SRGAP3: variants seen among roughly 807,000 people sequenced by gnomAD.
The protein encoded by SRGAP3 is SLIT-ROBO Rho GTPase activating protein 3.
SRGAP3 carries 39 observed loss-of-function variants against 121.1 expected under a neutral mutation model. That is an observed-to-expected ratio of 0.32 (90% CI 0.25 to 0.42). The LOEUF is 0.42. SRGAP3 is among the 10% of genes least tolerant of loss of function. SRGAP3 has a pLI of 1.00. For synonymous variants in SRGAP3, 601 were observed against 570.0 expected (o/e 1.05, Z -0.77); for missense variants, 1,213 against 1,470.6 (o/e 0.82, Z 2.86).
chr3:9,060,168 C>T (rs746722235), intron 6 of SRGAP3, 63 bp downstream of exon 6: 1 of 1,612,128 alleles, frequency 6.2e-7, no homozygotes, highest in East Asian at 2.2e-5. Flanking sequence ...CCTCCTTCAG[C>T]CAGTGACATG....
intron 1 of SRGAP3, among the ~76,000 whole-genome samples, chr3:9,229,126 T>G (rs1953108616): frequency 2.7e-5 from 4 of 150,740 alleles, no homozygotes; most frequent in Admixed American, 2.6e-4. Context: ...ATCAGGGTTA[T>G]TATTAAGGGC....
At chr3:8,986,001 G>A in intron 21 of SRGAP3, 69 bp from the exon 22 acceptor site, 1 of 1,597,342 alleles carries the variant, frequency 6.3e-7, no homozygotes, top group African/African-American at 1.3e-5. Context: ...TGTCTGCTAA[G>A]CAGCTTCCCT....
At chr3:9,230,466 T>A (rs1428946046) in intron 1 of SRGAP3, among the ~76,000 whole-genome samples, 3 of 152,134 alleles carry the variant, frequency 2.0e-5, no homozygotes, top group Non-Finnish European at 4.4e-5. Flanking sequence ...TCACCTAGGA[T>A]GACAATCGTA....
At chr3:9,194,485 G>A (rs1296110160) in intron 1 of SRGAP3, 1 of 152,172 alleles carries the variant, frequency 6.6e-6, no homozygotes, top group African/African-American at 2.4e-5. Flanking sequence ...AGATTAAGGA[G>A]GAAAGTTTCA....
At chr3:9,227,067 C>G (rs375550591) in intron 1 of SRGAP3, among the ~76,000 whole-genome samples, 1 of 152,136 alleles carries the variant, frequency 6.6e-6, no homozygotes, top group African/African-American at 2.4e-5. Context: ...GGCACAAGTC[C>G]GAGCCCCTGT....
rs150204824 is a variant in SRGAP3, at chr3:9,000,221, C to T, written c.2228-5698G>A. ...GTCCCAGGTGAGTGGAGTGGAGAGACCAGGGCTTCATTCTTTCACACAACC... is the reference window on the plus strand; with the variant it reads ...GTCCCAGGTGAGTGGAGTGGAGAGATCAGGGCTTCATTCTTTCACACAACC... On this transcript the variant is annotated intron_variant, in intron 18 of 21. Coordinates refer to ENST00000383836, the MANE Select transcript of SRGAP3 (RefSeq NM_014850.4). 1.8e-3 allele frequency among the ~76,000 whole-genome samples: 273 copies of T among 152,364 alleles called. 1 individual carries two copies. The highest frequency in any genetic ancestry group is 6.8e-3 in the Middle Eastern group (2 of 294).
rs1949855588 is a variant in SRGAP3 at position 9,141,602 on chromosome 3, G to GTGTA, written c.68-16686_68-16685insTACA. Reference sequence around the variant, plus strand: ...TGTGTGTGTGTGTGTGTGTGTGTGTGTTCTTTTCTTTTTAACCTTGTAAGA... The same window carrying GTGTA: ...TGTGTGTGTGTGTGTGTGTGTGTGTGTGTATTCTTTTCTTTTTAACCTTGTAAGA... On this transcript the variant is annotated intron_variant, in intron 1 of 21. Transcript: ENST00000383836. 1.1e-4 allele frequency among the ~76,000 whole-genome samples: 13 copies of GTGTA among 123,730 alleles called. No individual in the cohort carries two copies. The South Asian group carries it at 2.9e-3, about 28-fold the overall frequency. 81.2% of individuals were successfully genotyped at this position (123,730 alleles called of 152,430 possible).
intron 15 of SRGAP3, among the ~76,000 whole-genome samples, chr3:9,015,260 CCACTGGGTCTA>C (rs1477749775): frequency 6.6e-5 from 10 of 152,106 alleles, no homozygotes; most frequent in African/African-American, 2.4e-4. Context: ...TTGGCTGGTC[CCACTGGGTCTA>C]TGTCCCTTGC....
intron 3 of SRGAP3, among the ~76,000 whole-genome samples, chr3:9,323,830 T>C (rs374891101): frequency 9.8e-6 from 1 of 101,974 alleles, no homozygotes; most frequent in African/African-American, 3.9e-5. Context: ...CACACACACT[T>C]ATTCATATAT....
intron 4 of SRGAP3, among the ~76,000 whole-genome samples, chr3:9,066,617 A>C (rs1946445874): frequency 6.6e-6 from 1 of 152,148 alleles, no homozygotes; most frequent in Admixed American, 6.5e-5. Context: ...CTCCTGCCTC[A>C]GCCTCCTGAG....
intron 1 of SRGAP3, 36 bp from the exon 2 acceptor site, chr3:9,124,953 G>A (rs774494084): frequency 6.2e-7 from 1 of 1,612,180 alleles, no homozygotes; most frequent in Non-Finnish European, 8.5e-7. Context: ...TGAGACTGGT[G>A]GTGGGGACGG....
intron 3 of SRGAP3, among the ~76,000 whole-genome samples, chr3:9,097,672 C>A (rs1042891895): frequency 1.3e-5 from 2 of 152,184 alleles, no homozygotes; most frequent in African/African-American, 4.8e-5. Context: ...GGAACGTATT[C>A]CCCCAGCTGC....
chr3:9,281,439 A>G (rs1954675207), intron 3 of SRGAP3, among the ~76,000 whole-genome samples: 1 of 152,180 alleles, frequency 6.6e-6, no homozygotes, highest in Non-Finnish European at 1.5e-5. Flanking sequence ...GCTACTGGCT[A>G]TGGAGAAGAA....
chr3:9,299,332 G>C (rs1955008349), intron 3 of SRGAP3, among the ~76,000 whole-genome samples: 1 of 146,042 alleles, frequency 6.8e-6, no homozygotes, highest in African/African-American at 2.5e-5. Flanking sequence ...CTGCACTCCA[G>C]CCTGGTGGCA....
At chr3:9,306,086 A>G in intron 3 of SRGAP3, among the ~76,000 whole-genome samples, 1 of 152,238 alleles carries the variant, frequency 6.6e-6, no homozygotes, top group East Asian at 1.9e-4. Flanking sequence ...TGTTTCTTGA[A>G]TTTTTAATGA....
intron 1 of SRGAP3, among the ~76,000 whole-genome samples, chr3:9,161,592 G>C (rs1950601446): frequency 6.6e-6 from 1 of 152,242 alleles, no homozygotes; most frequent in Admixed American, 6.5e-5. Context: ...GCTGAATTGA[G>C]TCCTTTCTGC....
chr3:9,220,901 AT>A (rs1219973745), intron 1 of SRGAP3, among the ~76,000 whole-genome samples: 1 of 152,160 alleles, frequency 6.6e-6, no homozygotes, highest in Non-Finnish European at 1.5e-5. Flanking sequence ...CTCCATCCAC[AT>A]TGCTAGTCCT....
At chr3:9,353,482 G>A (rs983868936) in intron 1 of SRGAP3, among the ~76,000 whole-genome samples, 4 of 152,194 alleles carry the variant, frequency 2.6e-5, no homozygotes, top group African/African-American at 9.7e-5. Flanking sequence ...TGAAATTCAA[G>A]GAGAAGAATA....
chr3:9,147,984 C>T (rs946764723), intron 1 of SRGAP3, among the ~76,000 whole-genome samples: 9 of 152,210 alleles, frequency 5.9e-5, no homozygotes, highest in South Asian at 2.1e-4. Flanking sequence ...TCACCTCCCA[C>T]GCCTGAGATT....
Sources: gnomAD v4.1 joint callset for allele counts (sites outside exome capture counted in the v4.1 genomes callset) on GRCh38, gnomAD v4.1.1 for gene constraint, MANE v1.5 for transcripts, NCBI Gene and HGNC (gene_info 2026-07-23, HGNC 2026-07-21) for gene names.